SLITRK5: variants seen among roughly 807,000 people sequenced by gnomAD.
The protein encoded by SLITRK5 is SLIT and NTRK like family member 5, also known as SLIT and NTRK-like protein 5.
In SLITRK5, 23 loss-of-function variants were observed where a neutral mutation model predicts 56.2. The ratio of observed to expected loss-of-function variants is 0.41; its 90% confidence interval spans 0.29 to 0.58. SLITRK5 has a LOEUF of 0.58. Among genes scored for constraint, SLITRK5 ranks in the 20% least tolerant of loss-of-function variants. The pLI is 0.30. For synonymous variants in SLITRK5, 637 were observed against 531.8 expected (o/e 1.20, Z -2.72); for missense variants, 1,289 against 1,226.6 (o/e 1.05, Z -0.76).
chr13:87,676,201 C>T lies in SLITRK5; in HGVS notation c.813C>T (p.His271=), dbSNP rs1877266650. 6 of 1,614,092 alleles carry T rather than the reference C, an allele frequency of 3.7e-6. No homozygotes were observed. The South Asian group carries it at 5.5e-5, about 15-fold the overall frequency. The change falls in exon 2 of 2, where the codon CAC becomes CAT. Residue 271 remains histidine, a synonymous_variant. Transcript: ENST00000683689. ...TTTGTGAGACCCCCTTCCGCTTACA[C>T]GGAAGGGACTTGGACGAGGTATCCA... The part of the protein sequence containing the change: ...DVVCETPFRL[H]GRDLDEVSKQ...
chr13:87,676,658 G>A lies in SLITRK5; in HGVS notation c.1270G>A (p.Val424Met), dbSNP rs1163775908. Residue 424 changes from valine to methionine, a missense_variant, in exon 2 of 2, where the codon GTG becomes ATG. By Grantham distance (21) the Val-to-Met change is conservative (BLOSUM62 1). Around this residue, in one of 3 missense-constraint regions of SLITRK5, gnomAD observed 985 missense variants for 906.0 expected, o/e 1.09. Transcript: ENST00000683689. ...MYLTENYIAVVRRTDFLEATG... is the reference protein window; with the variant it reads ...MYLTENYIAVMRRTDFLEATG... ...TCTGACAGAGAACTACATCGCTGTC[G>A]TGCGCAGGACAGACTTCCTGGAGGC... 6.2e-7 allele frequency: 1 copy of A among 1,613,930 alleles called. No homozygotes were observed. The highest frequency in any genetic ancestry group is 1.3e-5 in the African/African-American group (1 of 75,022).
chr13:87,676,492 C>T lies in SLITRK5; in HGVS notation c.1104C>T (p.Ser368=), dbSNP rs746674947. ...CCAGCATCGCCTATCAGACCAAATC[C>T]CCGGTGCCTTTGGAGTGTCCCACCG... ...YGPSIAYQTK[S]PVPLECPTAC... The change falls in exon 2 of 2, where the codon TCC becomes TCT. Residue 368 remains serine (S), a synonymous_variant. Transcript: ENST00000683689. 50 of 1,613,986 alleles carry T rather than the reference C, an allele frequency of 3.1e-5. No homozygotes were observed. The South Asian group carries it at 5.5e-4, about 18-fold the overall frequency.
rs368638759 is a variant in SLITRK5 at position 87,671,525 on chromosome 13, C to G, written c.-693C>G. ...GTGTTGCTTACCGCGTTGCCACCTC[C>G]TCGGCGCCCGGGAGGAAGACGCAAC... is the stretch of plus-strand genomic sequence containing the variant. On this transcript the variant is annotated 5_prime_UTR_variant, in exon 1 of 2. Transcript: ENST00000683689. 6.2e-4 allele frequency among the ~76,000 whole-genome samples: 94 copies of G among 152,222 alleles called. 1 individual carries two copies. The highest frequency in any genetic ancestry group is 2.2e-3 in the African/African-American group (91 of 41,548).
In SLITRK5 at chr13:87,679,069, G is replaced by A. The variant is rs1017981339; in HGVS notation, c.*804G>A. The A allele has an allele frequency of 2.4e-5, 4 of 166,662 alleles. No individual in the cohort carries two copies. Among genetic ancestry groups the A allele is most frequent in the African/African-American group, 9.7e-5 (4 of 41,402 alleles). 10.3% of individuals were successfully genotyped at this position (166,662 alleles called of 1,614,324 possible). ...TATGATTTTGCAGAGGTGTCACACT[G>A]TATTAGGATCTGCATTTCTAAAACT... On this transcript the variant is annotated 3_prime_UTR_variant, in exon 2 of 2. Transcript: ENST00000683689.
chr13:87,675,974 C>A lies in SLITRK5; in HGVS notation c.586C>A (p.Leu196Ile), dbSNP rs773296790. The A allele has an allele frequency of 6.2e-7, 1 of 1,614,150 alleles. No individual in the cohort carries two copies. Among genetic ancestry groups the A allele is most frequent in the Admixed American group, 1.7e-5 (1 of 60,030 alleles). ...TCTTTTGTCCAGTTTACCCAACAAT[C>A]TTTTCCGTTTTGTGCCCTTAACGCA... ...DNLLSSLPNN[L>I]FRFVPLTHLD... Residue 196 changes from leucine (L) to isoleucine (I), a missense_variant, in exon 2 of 2, where the codon CTT becomes ATT. Leu to Ile is a conservative substitution (Grantham distance 5). Transcript: ENST00000683689.
Position 87,676,401 on chromosome 13 carries a change from A to T in SLITRK5, c.1013A>T (p.Asn338Ile). 3 of 1,613,980 alleles carry T rather than the reference A, an allele frequency of 1.9e-6. No homozygotes were observed. Among genetic ancestry groups the T allele is most frequent in the Non-Finnish European group, 2.5e-6 (3 of 1,179,964 alleles). ...LKPPKGTRQP[N>I]KPRVRPTSRQ... The stretch of plus-strand genomic sequence containing the variant: ...CCCCCTAAGGGGACTCGCCAACCCA[A>T]CAAGCCCAGGGTGCGCCCCACCTCT... The change falls in exon 2 of 2, where the codon AAC (asparagine) becomes ATC (isoleucine). Residue 338 changes from asparagine (N) to isoleucine (I), a missense_variant. Transcript: ENST00000683689.
rs1391797889 is a variant in SLITRK5 at position 87,676,995 on chromosome 13, G to A, written c.1607G>A (p.Arg536Lys). The A allele has an allele frequency of 6.2e-7, 1 of 1,614,116 alleles. No homozygotes were observed. The highest frequency in any genetic ancestry group is 2.2e-5 in the East Asian group (1 of 44,844). Residue 536 changes from arginine to lysine, a missense_variant, in exon 2 of 2, where the codon AGG (arginine) becomes AAG (lysine). Physicochemically the swap from Arg to Lys is conservative, Grantham distance 26 (BLOSUM62 2). Around this residue, in one of 3 missense-constraint regions of SLITRK5, gnomAD observed 985 missense variants for 906.0 expected, o/e 1.09. Coordinates refer to ENST00000683689, the MANE Select transcript of SLITRK5 (RefSeq NM_001384609.1). ...TTGACCCTCCTCAGGCTAAACCTGAGGAGTAACCACTTCACCTCCTTGCCA... is the reference window on the plus strand; with the variant it reads ...TTGACCCTCCTCAGGCTAAACCTGAAGAGTAACCACTTCACCTCCTTGCCA... ...SGLTLLRLNL[R>K]SNHFTSLPVS...
Position 87,675,551 on chromosome 13 carries a change from G to A in SLITRK5, c.163G>A (p.Glu55Lys), listed in dbSNP as rs1004465142. The change falls in exon 2 of 2, where the codon GAG becomes AAG. Residue 55 changes from glutamate (E) to lysine (K), a missense_variant. Physicochemically the swap from Glu to Lys is moderately conservative, Grantham distance 56. Transcript: ENST00000683689. ...GEICDNACPC[E>K]EKDGILTVSC... ...AATCTGTGACAATGCATGTCCTTGT[G>A]AGGAAAAGGACGGCATTTTAACTGT... is the stretch of plus-strand genomic sequence containing the variant. The A allele has an allele frequency of 1.9e-6, 3 of 1,614,148 alleles. No homozygotes were observed. Among genetic ancestry groups the A allele is most frequent in the East Asian group, 4.5e-5 (2 of 44,862 alleles).
Position 87,675,057 on chromosome 13 carries a change from A to T in SLITRK5, c.-8-324A>T, listed in dbSNP as rs114967920. Among the ~76,000 whole-genome samples the T allele has an allele frequency of 9.6e-3, 1,464 of 151,778 alleles. 26 individuals are homozygous for T. Among genetic ancestry groups the T allele is most frequent in the African/African-American group, 0.033 (1,357 of 41,356 alleles). On this transcript the variant is annotated intron_variant, in intron 1 of 1. Transcript: ENST00000683689. ...ATGAAACTGAACTGACAGCCATTTTATGTATATTTATGGATTGGTTTTGAA... is the reference window on the plus strand; with the variant it reads ...ATGAAACTGAACTGACAGCCATTTTTTGTATATTTATGGATTGGTTTTGAA...
chr13:87,675,411 T>C lies in SLITRK5; in HGVS notation c.23T>C (p.Val8Ala). 6.2e-7 allele frequency: 1 copy of C among 1,614,006 alleles called. No homozygotes were observed. Among genetic ancestry groups the C allele is most frequent in the East Asian group, 2.2e-5 (1 of 44,876 alleles). Residue 8 changes from valine (V) to alanine (A), a missense_variant, in exon 2 of 2, where the codon GTA becomes GCA. Physicochemically the swap from Val to Ala is moderately conservative, Grantham distance 64. Coordinates refer to ENST00000683689, the MANE Select transcript of SLITRK5 (RefSeq NM_001384609.1). Reference protein sequence around the residue: MHTCCPPVTLEQDLHRKM... With the variant: MHTCCPPATLEQDLHRKM... ...AAAATGCACACTTGCTGCCCCCCAG[T>C]AACTTTGGAACAGGACCTTCACAGA...
Position 87,678,491 on chromosome 13 carries a change from C to T in SLITRK5, c.*226C>T, listed in dbSNP as rs538665396. The T allele has an allele frequency of 1.2e-5, 7 of 566,382 alleles. No homozygotes were observed. In the East Asian group the frequency reaches 1.5e-4, roughly 12 times the overall value. 35.1% of individuals were successfully genotyped at this position (566,382 alleles called of 1,614,324 possible). ...CTGGGCACATCACTTTCTCTTCTTG[C>T]GTGTGGGGCAGGTGTGGAGAAGGGC... On this transcript the variant is annotated 3_prime_UTR_variant, in exon 2 of 2. Transcript: ENST00000683689.
In SLITRK5 at chr13:87,676,453, C is replaced by T. The variant is rs1325786141; in HGVS notation, c.1065C>T (p.Tyr355=). ...TSRQPSKDLG[Y]SNYGPSIAYQ... ...GGCAGCCCTCTAAGGACTTGGGCTA[C>T]AGCAACTATGGCCCCAGCATCGCCT... Residue 355 remains tyrosine, a synonymous_variant, in exon 2 of 2, where the codon TAC becomes TAT. Transcript: ENST00000683689. 1 of 1,613,944 alleles carries T rather than the reference C, an allele frequency of 6.2e-7. No individual in the cohort carries two copies. Among genetic ancestry groups the T allele is most frequent in the African/African-American group, 1.3e-5 (1 of 74,894 alleles).
Position 87,676,624 on chromosome 13 carries a change from G to A in SLITRK5, c.1236G>A (p.Lys412=), listed in dbSNP as rs1324746952. 1 of 1,614,034 alleles carries A rather than the reference G, an allele frequency of 6.2e-7. No homozygotes were observed. Among genetic ancestry groups the A allele is most frequent in the African/African-American group, 1.3e-5 (1 of 75,048 alleles). The change falls in exon 2 of 2, where the codon AAG becomes AAA. Residue 412 remains lysine (K), a synonymous_variant. Transcript: ENST00000683689. ...TGCAGCCCAAGCCCTACAATCCCAAGAAAATGTATCTGACAGAGAACTACA... is the reference window on the plus strand; with the variant it reads ...TGCAGCCCAAGCCCTACAATCCCAAAAAAATGTATCTGACAGAGAACTACA... ...AELQPKPYNP[K]KMYLTENYIA...
rs745756155 is a variant in SLITRK5, at chr13:87,677,362, G to A, written c.1974G>A (p.Ala658=). ...APASLGAGGG[A]SSVPLSVLIL... is the part of the protein sequence containing the mutation. ...CGAGCTTGGGCGCAGGCGGAGGGGC[G>A]TCGTCGGTGCCCTTGTCTGTGTTAA... Residue 658 remains alanine, a synonymous_variant, in exon 2 of 2, where the codon GCG becomes GCA. Transcript: ENST00000683689. The surrounding 1 kb of genome is among the most constrained non-coding windows in gnomAD (Gnocchi z 4.7). 1 of 1,614,024 alleles carries A rather than the reference G, an allele frequency of 6.2e-7. No individual in the cohort carries two copies. Among genetic ancestry groups the A allele is most frequent in the African/African-American group, 1.3e-5 (1 of 75,058 alleles).
intron 1 of SLITRK5, among the ~76,000 whole-genome samples, chr13:87,673,145 C>T (rs1030972237): frequency 1.3e-5 from 2 of 151,586 alleles, no homozygotes; most frequent in Non-Finnish European, 2.9e-5. Context: ...GGGCGGTGAT[C>T]CAGTATCTAA....
In SLITRK5 at chr13:87,672,133, G is replaced by A. The variant is rs1172093008; in HGVS notation, c.-85G>A. On this transcript the variant is annotated 5_prime_UTR_variant, in exon 1 of 2. Coordinates refer to ENST00000683689, the MANE Select transcript of SLITRK5 (RefSeq NM_001384609.1). The stretch of plus-strand genomic sequence containing the variant: ...GGCGCGAACCCAGGCCGGAGGGTGC[G>A]AGGAGCCAGAGGAGGCTGGAGGGGG... Among the ~76,000 whole-genome samples the A allele has an allele frequency of 6.6e-6, 1 of 152,038 alleles. No homozygotes were observed. The highest frequency in any genetic ancestry group is 2.0e-4 in the East Asian group (1 of 5,124).
chr13:87,673,502 A>AGGGAGG (rs781611253), intron 1 of SLITRK5: 9 of 597,238 alleles, frequency 1.5e-5, no homozygotes, highest in South Asian at 3.0e-5. Context: ...AAGCACAGGG[A>AGGGAGG]GGGAGGGGGA....
Position 87,675,688 on chromosome 13 carries a change from G to T in SLITRK5, c.300G>T (p.Glu100Asp), listed in dbSNP as rs764221331. 1.9e-6 allele frequency: 3 copies of T among 1,614,120 alleles called. No individual in the cohort carries two copies. The highest frequency in any genetic ancestry group is 2.5e-6 in the Non-Finnish European group (3 of 1,180,032). The change falls in exon 2 of 2, where the codon GAG (glutamate) becomes GAT (aspartate). Residue 100 changes from glutamate to aspartate, a missense_variant. Coordinates refer to ENST00000683689, the MANE Select transcript of SLITRK5 (RefSeq NM_001384609.1). ...GNLLNRLYPN[E>D]FVNYTGASIL... ...TTTTGAACCGTCTCTATCCCAATGA[G>T]TTTGTCAATTACACTGGGGCTTCAA... is the stretch of plus-strand genomic sequence containing the variant.
rs755265081 is a variant in SLITRK5 at position 87,676,056 on chromosome 13, A to T, written c.668A>T (p.His223Leu). 2.5e-6 allele frequency: 4 copies of T among 1,614,150 alleles called. No individual in the cohort carries two copies. The highest frequency in any genetic ancestry group is 3.4e-6 in the Non-Finnish European group (4 of 1,180,046). ...CTGCCCTACGTGGGGCTCTTGCAGCACATGGATAAAGTTGTGGAGCTACAG... is the reference window on the plus strand; with the variant it reads ...CTGCCCTACGTGGGGCTCTTGCAGCTCATGGATAAAGTTGTGGAGCTACAG... ...KLLPYVGLLQ[H>L]MDKVVELQLE... The change falls in exon 2 of 2, where the codon CAC becomes CTC. Residue 223 changes from histidine (H) to leucine (L), a missense_variant. By Grantham distance (99) the His-to-Leu change is moderately conservative. This residue lies in a region of SLITRK5 where 291 missense variants were observed against 286.7 expected (regional missense o/e 1.02). Transcript: ENST00000683689.
Sources: allele counts gnomAD v4.1 joint callset (sites outside exome capture counted in the v4.1 genomes callset), GRCh38; gene constraint gnomAD v4.1.1; regional missense constraint gnomAD v4.1.1; non-coding constraint Gnocchi (gnomAD v3.1); transcripts MANE v1.5; gene names NCBI Gene and HGNC (gene_info 2026-07-23, HGNC 2026-07-21).